Variants in SFMBT1 observed in about 807,000 individuals in gnomAD.
SFMBT1 encodes the protein Scm like with four mbt domains 1, also known as scm-like with four MBT domains protein 1.
Under a neutral mutation model 108.7 loss-of-function variants are expected in SFMBT1, and 32 were observed. The ratio of observed to expected loss-of-function variants is 0.29; its 90% CI spans 0.22 to 0.40. The LOEUF (loss-of-function observed/expected upper bound fraction) is 0.40. Among genes scored for constraint, SFMBT1 ranks in the 10% least tolerant of loss-of-function variants. The probability of loss-of-function intolerance (pLI) is 1.00; values close to 1 mark genes in which losing one functional copy is unlikely to be tolerated. For synonymous variants in SFMBT1, 348 were observed against 369.5 expected (o/e 0.94, Z 0.67); for missense variants, 816 against 1,059.6 (o/e 0.77, Z 3.19).
At position 52,952,215 on chromosome 3, in the gene SFMBT1, G is replaced by A. The variant is rs967235486; in HGVS notation, c.123+2102C>T. Among the ~76,000 whole-genome samples, 8 of 152,086 alleles carry A rather than the reference G, an allele frequency of 5.3e-5. No homozygotes were observed. In the East Asian group the frequency reaches 9.6e-4, roughly 18 times the overall value. ...CTACTAAAAATACAAAAAATTGGCCGGGTGTGATGGCGGGCGCCTGCAGTC... is the reference window on the plus strand; with the variant it reads ...CTACTAAAAATACAAAAAATTGGCCAGGTGTGATGGCGGGCGCCTGCAGTC... On this transcript the variant is annotated intron_variant, in intron 3 of 20. Coordinates refer to ENST00000394752, the MANE Select transcript of SFMBT1 (RefSeq NM_016329.4).
chr3:53,001,973 A>T (rs1698572848), intron 1 of SFMBT1, among the ~76,000 whole-genome samples: 1 of 145,822 alleles, frequency 6.9e-6, no homozygotes, highest in African/African-American at 2.5e-5. Flanking sequence ...ACACACACAC[A>T]TAAATGAAAG....
rs1167439317 is a variant in SFMBT1, at chr3:52,997,914, G to A, written c.-130-28656C>T. 1.3e-5 allele frequency among the ~76,000 whole-genome samples: 2 copies of A among 150,650 alleles called. 1 individual carries two copies. The highest frequency in any genetic ancestry group is 3.0e-5 in the Non-Finnish European group (2 of 67,216). ...AAAAAGAGAGAAGATAACACAACGT[G>A]TTGGTCAATTGGATCCTTTAAACAA... On this transcript the variant is annotated intron_variant, in intron 1 of 20. Coordinates refer to ENST00000394752, the MANE Select transcript of SFMBT1 (RefSeq NM_016329.4).
chr3:53,039,076 C>A (rs923357372), intron 1 of SFMBT1, among the ~76,000 whole-genome samples: 1 of 152,170 alleles, frequency 6.6e-6, no homozygotes. Context: ...TCCTTGTCTT[C>A]CACCCTGCTG....
rs539951063 is a variant in SFMBT1 at position 52,992,463 on chromosome 3, A to T, written c.-130-23205T>A. 4.6e-4 allele frequency among the ~76,000 whole-genome samples: 70 copies of T among 152,296 alleles called. 3 individuals carry two copies. The South Asian group carries it at 0.014, about 30-fold the overall frequency. ...TAGCCACAAAAATTAAAATAAAAAA[A>T]ATTTTTTTAATAATAAATTAAAATG... On this transcript the variant is annotated intron_variant, in intron 1 of 20. Coordinates refer to ENST00000394752, the MANE Select transcript of SFMBT1 (RefSeq NM_016329.4).
Position 52,943,755 on chromosome 3 carries a change from TA to T in SFMBT1, c.124-163del, listed in dbSNP as rs1703270071. Reference sequence around the variant, plus strand: ...TTCTAACTTACAGAAGCAATCCAGATAAAACAAACGAATAGCAATGCTGCTC... The same window carrying T: ...TTCTAACTTACAGAAGCAATCCAGATAAACAAACGAATAGCAATGCTGCTC... On this transcript the variant is annotated intron_variant, in intron 3 of 20. Coordinates refer to ENST00000394752, the MANE Select transcript of SFMBT1 (RefSeq NM_016329.4). 2.0e-5 allele frequency among the ~76,000 whole-genome samples: 3 copies of T among 152,194 alleles called. No homozygotes were observed. The South Asian group carries it at 6.2e-4, about 31-fold the overall frequency.
At chr3:52,976,803 G>A (rs1704534565) in intron 1 of SFMBT1, among the ~76,000 whole-genome samples, 1 of 152,168 alleles carries the variant, frequency 6.6e-6, no homozygotes, top group Non-Finnish European at 1.5e-5. Context: ...GGTCAGATAT[G>A]AACGATAATT....
rs528895301 is a variant in SFMBT1, at chr3:52,960,130, C to T, written c.29-5719G>A. ...TGCTAGCGTTGACACAGATAAGTCT[C>T]AAAAACACACATCAAGCAGAAAAGG... On this transcript the variant is annotated intron_variant, in intron 2 of 20. Coordinates refer to ENST00000394752, the MANE Select transcript of SFMBT1 (RefSeq NM_016329.4). Among the ~76,000 whole-genome samples, 7 of 151,724 alleles carry T rather than the reference C, an allele frequency of 4.6e-5. No homozygotes were observed. The East Asian group carries it at 1.2e-3, about 25-fold the overall frequency.
intron 1 of SFMBT1, among the ~76,000 whole-genome samples, chr3:53,000,435 G>A (rs1464570495): frequency 6.7e-6 from 1 of 149,834 alleles, no homozygotes; most frequent in Non-Finnish European, 1.5e-5. Context: ...TCACTGTATT[G>A]TGATCACACA....
intron 5 of SFMBT1, among the ~76,000 whole-genome samples, chr3:52,932,915 A>C (rs1346581328): frequency 6.6e-6 from 1 of 152,162 alleles, no homozygotes; most frequent in Admixed American, 6.5e-5. Flanking sequence ...TGTCTTTATA[A>C]AAAATTTAAA....
chr3:53,009,663 A>G (rs1388137338), intron 1 of SFMBT1, among the ~76,000 whole-genome samples: 2 of 152,186 alleles, frequency 1.3e-5, no homozygotes, highest in Non-Finnish European at 2.9e-5. Flanking sequence ...CTGCCCTCAC[A>G]GGAAAAAATC....
intron 3 of SFMBT1, among the ~76,000 whole-genome samples, chr3:52,950,778 T>C (rs545910333): frequency 6.6e-6 from 1 of 152,050 alleles, no homozygotes; most frequent in South Asian, 2.1e-4. Context: ...CCGGCTGCTG[T>C]CATTATTTTG....
At chr3:53,030,700 A>AAAT (rs1333343663) in intron 1 of SFMBT1, among the ~76,000 whole-genome samples, 1 of 148,848 alleles carries the variant, frequency 6.7e-6, no homozygotes, top group Non-Finnish European at 1.5e-5. Context: ...AAAAAAAAAA[A>AAAT]AAAAAATCTA....
chr3:53,027,243 C>CA (rs544367978), intron 1 of SFMBT1, among the ~76,000 whole-genome samples: 58 of 152,286 alleles, frequency 3.8e-4, no homozygotes, highest in African/African-American at 1.1e-3. Flanking sequence ...TTTACTCCTA[C>CA]AAAAAATCCT....
At position 52,911,144 on chromosome 3, in the gene SFMBT1, T is replaced by C. The variant is rs1702205905; in HGVS notation, c.1765A>G (p.Ile589Val). 6.2e-7 allele frequency: 1 copy of C among 1,613,622 alleles called. No homozygotes were observed. The highest frequency in any genetic ancestry group is 1.7e-4 in the Middle Eastern group (1 of 6,056). The part of the protein sequence containing the change: ...KGKSYRATVE[I>V]VKTADRVTEF... ...GTCACCCGATCTGCTGTTTTCACTA[T>C]CTCAACAGTAGCCCGATAACTCTTT... The change falls in exon 17 of 21, where the codon ATA (isoleucine) becomes GTA (valine). Residue 589 changes from isoleucine to valine, a missense_variant. By Grantham distance (29) the Ile-to-Val change is conservative (BLOSUM62 3). This residue lies in a region of SFMBT1 where 79 missense variants were observed against 120.8 expected (regional missense o/e 0.65). Coordinates refer to ENST00000394752, the MANE Select transcript of SFMBT1 (RefSeq NM_016329.4).
intron 1 of SFMBT1, among the ~76,000 whole-genome samples, chr3:53,013,170 T>G (rs1699011551): frequency 6.6e-6 from 1 of 151,736 alleles, no homozygotes; most frequent in African/African-American, 2.4e-5. Flanking sequence ...ATGGAAAATA[T>G]TTTCATCAAT....
At position 52,934,086 on chromosome 3, in the gene SFMBT1, C is replaced by T. The variant is rs2106799768; in HGVS notation, c.453+727G>A. On this transcript the variant is annotated intron_variant, in intron 5 of 20. Transcript: ENST00000394752. ...AGGATACAGAAATGGCCCATAAGCA[C>T]AAAAAAACATACTCAACATCAACAG... 1.3e-5 allele frequency among the ~76,000 whole-genome samples: 2 copies of T among 151,870 alleles called. 1 individual carries two copies. The highest frequency in any genetic ancestry group is 4.2e-4 in the South Asian group (2 of 4,818).
intron 1 of SFMBT1, among the ~76,000 whole-genome samples, chr3:52,992,212 C>A (rs1201635856): frequency 6.6e-6 from 1 of 152,232 alleles, no homozygotes; most frequent in Non-Finnish European, 1.5e-5. Flanking sequence ...ATCAACTGTT[C>A]TTCCTAAGCA....
chr3:52,907,703 C>A lies in SFMBT1; in HGVS notation c.1937G>T (p.Arg646Ile). 6.2e-7 allele frequency: 1 copy of A among 1,610,818 alleles called. No individual in the cohort carries two copies. The highest frequency in any genetic ancestry group is 8.5e-7 in the Non-Finnish European group (1 of 1,179,194). Residue 646 changes from arginine to isoleucine, a missense_variant, in exon 18 of 21, where the codon AGA becomes ATA. By Grantham distance (97) the Arg-to-Ile change is moderately conservative. Transcript: ENST00000394752. The stretch of plus-strand genomic sequence containing the variant: ...ATGCCCACCAGGTGGCCTCCCAATT[C>A]TTTTATTTTTCTTCTTTCCGTAATA... ...THYYGKKKNK[R>I]IGRPPGGHSN...
At chr3:52,986,234 G>A (rs1276862627) in intron 1 of SFMBT1, among the ~76,000 whole-genome samples, 1 of 152,084 alleles carries the variant, frequency 6.6e-6, no homozygotes, top group Non-Finnish European at 1.5e-5. Context: ...GTTGTTCTGG[G>A]TGAGTCAGTC....
Sources: allele counts gnomAD v4.1 joint callset (sites outside exome capture counted in the v4.1 genomes callset), GRCh38; gene constraint gnomAD v4.1.1; regional missense constraint gnomAD v4.1.1; transcripts MANE v1.5; gene names NCBI Gene and HGNC (gene_info 2026-07-23, HGNC 2026-07-21).